Variants in SCN3A observed in about 807,000 individuals in gnomAD.
SCN3A encodes the protein sodium channel protein type 3 subunit alpha.
SCN3A carries 60 observed loss-of-function variants against 187.6 expected under a neutral mutation model. The ratio of observed to expected loss-of-function variants is 0.32; its 90% CI spans 0.26 to 0.40. The LOEUF (loss-of-function observed/expected upper bound fraction) is 0.40, where lower values mean the gene tolerates loss of function less well. Among genes scored for constraint, SCN3A ranks in the 10% least tolerant of loss-of-function variants. The pLI, the probability that SCN3A is intolerant of heterozygous loss-of-function variation, is 1.00. For synonymous variants in SCN3A, 788 were observed against 829.2 expected (o/e 0.95, Z 0.85); for missense variants, 1,601 against 2,428.2 (o/e 0.66, Z 7.16).
chr2:165,160,209 T>G (rs1403239889), intron 9 of SCN3A, among the ~76,000 whole-genome samples: 1 of 151,728 alleles, frequency 6.6e-6, no homozygotes, highest in Non-Finnish European at 1.5e-5. Flanking sequence ...CCCAGCACTT[T>G]GGGAGGCCGA....
At chr2:165,130,328 T>A in intron 16 of SCN3A, 32 bp from the exon 17 acceptor site, 1 of 1,597,712 alleles carries the variant, frequency 6.3e-7, no homozygotes, top group South Asian at 1.1e-5. Context: ...CTGTTAGTAG[T>A]AATCATAATA....
Position 165,146,889 on chromosome 2 carries a change from T to C in SCN3A, c.1521A>G (p.Arg507=). 1 of 1,614,110 alleles carries C rather than the reference T, an allele frequency of 6.2e-7. No individual in the cohort carries two copies. The highest frequency in any genetic ancestry group is 1.1e-5 in the South Asian group (1 of 91,076). Residue 507 remains arginine, a synonymous_variant, in exon 12 of 28, where the codon AGA becomes AGG. Coordinates refer to ENST00000283254, the MANE Select transcript of SCN3A (RefSeq NM_006922.4). ...KEWRNRRKKR[R]QREHLEGNNK... The stretch of plus-strand genomic sequence containing the variant: ...TGTTTCCTTCAAGGTGCTCTCTCTG[T>C]CTTCTTTTCTTCCTTCGGTTCCTCC...
Position 165,113,989 on chromosome 2 carries a change from T to A in SCN3A, c.3515-19A>T. ...ATACATCCTAAAAATCAAATATAGT[T>A]AATTAAAAAATATATTTTAATCTTA... On this transcript the variant is annotated intron_variant, in intron 19 of 27. Transcript: ENST00000283254. The A allele has an allele frequency of 1.4e-6, 2 of 1,453,660 alleles. No individual in the cohort carries two copies. Among genetic ancestry groups the A allele is most frequent in the African/African-American group, 1.4e-5 (1 of 70,392 alleles). 90.0% of individuals were successfully genotyped at this position (1,453,660 alleles called of 1,614,324 possible).
At chr2:165,129,919 G>A (rs1574164392) in intron 17 of SCN3A, 21 bp downstream of exon 17, 1 of 1,613,322 alleles carries the variant, frequency 6.2e-7, no homozygotes, top group Non-Finnish European at 8.5e-7. Flanking sequence ...TAATTTATGA[G>A]CATTTGTACT....
intron 3 of SCN3A, among the ~76,000 whole-genome samples, chr2:165,172,018 A>G (rs1329700143): frequency 1.3e-5 from 2 of 152,168 alleles, no homozygotes; most frequent in East Asian, 3.8e-4. Context: ...GCTATATGCC[A>G]TACATTTATG....
chr2:165,163,723 G>T lies in SCN3A; in HGVS notation c.603-14C>A. 6.2e-7 allele frequency: 1 copy of T among 1,613,952 alleles called. No homozygotes were observed. Among genetic ancestry groups the T allele is most frequent in the Non-Finnish European group, 8.5e-7 (1 of 1,179,936 alleles). On this transcript the variant is annotated splice_polypyrimidine_tract_variant and intron_variant, in intron 6 of 27. Coordinates refer to ENST00000283254, the MANE Select transcript of SCN3A (RefSeq NM_006922.4). ...TCTGTCACATATCTGTAATAGGGGA[G>T]TTCACACACAAACACAATAACACAC...
intron 1 of SCN3A, among the ~76,000 whole-genome samples, chr2:165,197,158 G>A (rs1692016642): frequency 6.6e-6 from 1 of 152,070 alleles, no homozygotes; most frequent in South Asian, 2.1e-4. Flanking sequence ...GGGAGAAATG[G>A]ACACAAGTGT....
chr2:165,177,284 C>T (rs948528489), intron 2 of SCN3A, among the ~76,000 whole-genome samples: 2 of 152,082 alleles, frequency 1.3e-5, no homozygotes, highest in African/African-American at 4.8e-5. Flanking sequence ...CTACACTGTC[C>T]GTTCTAAACC....
chr2:165,144,024 A>G (rs778029390), intron 12 of SCN3A, among the ~76,000 whole-genome samples: 9 of 152,218 alleles, frequency 5.9e-5, no homozygotes, highest in Non-Finnish European at 1.2e-4. Context: ...ATAATGTAAT[A>G]AACATAAAAT....
At position 165,137,918 on chromosome 2, in the gene SCN3A, C is replaced by T. The variant is rs1010167669; in HGVS notation, c.2352G>A (p.Met784Ile). The T allele has an allele frequency of 6.2e-7, 1 of 1,613,262 alleles. No individual in the cohort carries two copies. Among genetic ancestry groups the T allele is most frequent in the East Asian group, 2.2e-5 (1 of 44,840 alleles). Residue 784 changes from methionine (M) to isoleucine (I), a missense_variant, in exon 15 of 28, where the codon ATG becomes ATA. Around this residue, in one of 11 missense-constraint regions of SCN3A, gnomAD observed 376 missense variants for 476.0 expected, o/e 0.79. Transcript: ENST00000283254. ...TLFMAMEHYP[M>I]TEQFSSVLTV... ...TCAACACACTACTGAATTGCTCAGT[C>T]ATGGGGTAGTGCTCCATGGCCATAA...
intron 9 of SCN3A, among the ~76,000 whole-genome samples, chr2:165,161,404 G>A (rs1339547839): frequency 6.6e-6 from 1 of 151,762 alleles, no homozygotes; most frequent in East Asian, 1.9e-4. Context: ...TTGAACCCTG[G>A]TATACATGAA....
intron 2 of SCN3A, among the ~76,000 whole-genome samples, chr2:165,182,507 G>C (rs1443503136): frequency 6.6e-6 from 1 of 152,120 alleles, no homozygotes; most frequent in East Asian, 1.9e-4. Context: ...CAATAAGTTA[G>C]GGAGAAAAAC....
intron 2 of SCN3A, among the ~76,000 whole-genome samples, chr2:165,180,458 G>T (rs531950317): frequency 1.3e-5 from 2 of 152,244 alleles, no homozygotes; most frequent in East Asian, 3.9e-4. Context: ...ATTTCCCTGA[G>T]GAAGTGATAT....
chr2:165,184,610 A>G (rs1242763423), intron 2 of SCN3A, among the ~76,000 whole-genome samples: 1 of 152,108 alleles, frequency 6.6e-6, no homozygotes, highest in Non-Finnish European at 1.5e-5. Context: ...GTTACTATGT[A>G]TAAAGCCCTG....
intron 1 of SCN3A, among the ~76,000 whole-genome samples, chr2:165,188,561 G>A (rs537136184): frequency 4.6e-5 from 7 of 152,098 alleles, no homozygotes; most frequent in East Asian, 3.9e-4. Flanking sequence ...AGGCCGAGGC[G>A]GGTGGATCAC....
intron 11 of SCN3A, among the ~76,000 whole-genome samples, chr2:165,150,795 AT>A (rs545514835): frequency 7.2e-5 from 11 of 152,138 alleles, no homozygotes; most frequent in Admixed American, 1.3e-4. Context: ...AAGCACATTA[AT>A]TTGTCTTCTT....
At chr2:165,125,684 A>G (rs577677008) in intron 18 of SCN3A, among the ~76,000 whole-genome samples, 17 of 152,170 alleles carry the variant, frequency 1.1e-4, no homozygotes, top group Non-Finnish European at 1.8e-4. Context: ...AAATATGTCA[A>G]GATTTCCTTG....
chr2:165,188,556 G>A (rs1326078369), intron 1 of SCN3A, among the ~76,000 whole-genome samples: 5 of 152,066 alleles, frequency 3.3e-5, no homozygotes, highest in Admixed American at 1.3e-4. Context: ...TTGGGAGGCC[G>A]AGGCGGGTGG....
chr2:165,172,145 C>T (rs1448658666), intron 3 of SCN3A, among the ~76,000 whole-genome samples: 1 of 152,082 alleles, frequency 6.6e-6, no homozygotes, highest in Non-Finnish European at 1.5e-5. Context: ...GACCATGGTG[C>T]CAACCATTAC....
Sources: gnomAD v4.1 joint callset for allele counts (sites outside exome capture counted in the v4.1 genomes callset) on GRCh38, gnomAD v4.1.1 for gene constraint, gnomAD v4.1.1 regional missense constraint, MANE v1.5 for transcripts, NCBI Gene and HGNC (gene_info 2026-07-23, HGNC 2026-07-21) for gene names.